UTY: variants seen among roughly 807,000 people sequenced by gnomAD.
UTY encodes the protein ubiquitously transcribed tetratricopeptide repeat containing, Y-linked, also known as histone demethylase UTY.
In UTY, 12 loss-of-function variants were observed where a neutral mutation model predicts 32.5. The ratio of observed to expected loss-of-function variants is 0.37; its 90% CI spans 0.24 to 0.60. The LOEUF (loss-of-function observed/expected upper bound fraction) is 0.60. Ranked by LOEUF, UTY falls within the 20% of genes least tolerant of loss-of-function variation. The probability of loss-of-function intolerance (pLI) is 0.69; values close to 1 mark genes in which losing one functional copy is unlikely to be tolerated. For synonymous variants in UTY, 131 were observed against 103.4 expected, an observed-to-expected ratio of 1.27 and a Z score of -1.62; for missense variants, 303 against 299.2, an observed-to-expected ratio of 1.01 and a Z score of -0.09.
intron 10 of UTY, among the ~76,000 whole-genome samples, chrY:13,363,576 A>G (rs2063755210): frequency 9.0e-5 from 3 of 33,188 alleles, no homozygotes; most frequent in Non-Finnish European, 1.5e-4. Context: ...TTCCAGTACT[A>G]TAACAAAACA....
At chrY:13,357,667 G>A (rs2063087640) in intron 15 of UTY, among the ~76,000 whole-genome samples, 1 of 33,544 alleles carries the variant, frequency 3.0e-5, no homozygotes, top group Admixed American at 2.7e-4. Context: ...GCTAGAGGTA[G>A]AAACTGGAAG....
At chrY:13,478,489 C>T in intron 2 of UTY, among the ~76,000 whole-genome samples, 1 of 33,176 alleles carries the variant, frequency 3.0e-5, no homozygotes, top group African/African-American at 1.2e-4. Context: ...CTATTCCTTG[C>T]TAAGGTTTCC....
chrY:13,309,901 G>C, intron 21 of UTY, among the ~76,000 whole-genome samples: 1 of 32,535 alleles, frequency 3.1e-5, no homozygotes, highest in Non-Finnish European at 7.5e-5. Context: ...TAATACTAAT[G>C]CTTCTCAAAA....
chrY:13,377,411 C>T, intron 8 of UTY, among the ~76,000 whole-genome samples: 2 of 33,667 alleles, frequency 5.9e-5, no homozygotes, highest in Non-Finnish European at 1.5e-4. Context: ...CAGACATAAA[C>T]CTATTCAAAA....
chrY:13,398,058 A>G, intron 6 of UTY, among the ~76,000 whole-genome samples: 1 of 33,746 alleles, frequency 3.0e-5, no homozygotes, highest in South Asian at 6.4e-4. Flanking sequence ...CTAATATTTA[A>G]TGTTTAAAAT....
chrY:13,465,828 T>C (rs776701205), intron 3 of UTY, among the ~76,000 whole-genome samples: 1 of 33,190 alleles, frequency 3.0e-5, no homozygotes, highest in African/African-American at 1.2e-4. Context: ...AGCTAAACAG[T>C]TGAAAGAACA....
At chrY:13,446,420 A>AAATGTTAAAAGTTCC in intron 4 of UTY, among the ~76,000 whole-genome samples, 1 of 32,950 alleles carries the variant, frequency 3.0e-5, no homozygotes, top group Admixed American at 2.8e-4. Context: ...CATTTGATAC[A>AAATGTTAAAAGTTCC]AATGTTAAAA....
At chrY:13,469,896 G>T (rs2078313430) in intron 3 of UTY, among the ~76,000 whole-genome samples, 1 of 33,446 alleles carries the variant, frequency 3.0e-5, no homozygotes, top group African/African-American at 1.2e-4. Context: ...ACAAGTGTAG[G>T]ATATTATACG....
In UTY at chrY:13,479,985, C is replaced by T. The variant is rs2079563730; in HGVS notation, c.-320G>A. The T allele has an allele frequency of 1.1e-5, 1 of 94,427 alleles. No homozygotes were observed. Among genetic ancestry groups the T allele is most frequent in the Non-Finnish European group, 2.2e-5 (1 of 46,169 alleles). The allele number at this position is 94,427 out of a possible 400,897, so 23.6% of individuals were successfully genotyped here. A position where few individuals can be genotyped will look rare whatever the true frequency, so the allele number is the denominator to read the frequency against. ...TCACGGGCGAACCCCACGCAGCCGC[C>T]GCGACCTCCCCGCTCCCAACCACTT... On this transcript the variant is annotated 5_prime_UTR_variant, in exon 1 of 30. Transcript: ENST00000545955.
Position 13,476,995 on chromosome Y carries a change from T to A in UTY, c.216+2259A>T, listed in dbSNP as rs922557743. Among the ~76,000 whole-genome samples, 5 of 33,376 alleles carry A rather than the reference T, an allele frequency of 1.5e-4. No homozygotes were observed. In the East Asian group the frequency reaches 3.8e-3, roughly 25 times the overall value. 89.5% of individuals were successfully genotyped at this position (33,376 alleles called of 37,273 possible). On this transcript the variant is annotated intron_variant, in intron 2 of 29. Transcript: ENST00000545955. ...GTAAAATCTATAAATAAAACTTTCA[T>A]AGAAAACATAAATACGAATAAAAAC...
chrY:13,302,299 G>GT (rs2058414469), intron 25 of UTY, among the ~76,000 whole-genome samples: 1 of 33,445 alleles, frequency 3.0e-5, no homozygotes, highest in Non-Finnish European at 7.4e-5. Flanking sequence ...AAAAACAATC[G>GT]TAAGTAAAAT....
chrY:13,340,975 C>T (rs755990628), intron 17 of UTY, among the ~76,000 whole-genome samples: 5 of 32,853 alleles, frequency 1.5e-4, no homozygotes, highest in African/African-American at 4.8e-4. Flanking sequence ...AAGTTTGCAA[C>T]GGTATTGAAA....
chrY:13,282,361 A>C, intron 27 of UTY, among the ~76,000 whole-genome samples: 1 of 33,576 alleles, frequency 3.0e-5, no homozygotes, highest in African/African-American at 1.2e-4. Flanking sequence ...TAAAAAACAA[A>C]AAAAAACAAG....
At chrY:13,264,020 C>T (rs2055529551) in intron 27 of UTY, among the ~76,000 whole-genome samples, 1 of 33,959 alleles carries the variant, frequency 2.9e-5, no homozygotes, top group Admixed American at 2.7e-4. Flanking sequence ...AGTGAGAACA[C>T]GCAGTGTTTG....
chrY:13,421,724 C>G (rs1466978027), intron 4 of UTY, among the ~76,000 whole-genome samples: 1 of 33,253 alleles, frequency 3.0e-5, no homozygotes, highest in East Asian at 7.9e-4. Flanking sequence ...AAAACAGGAA[C>G]AGAAAATCAA....
chrY:13,379,898 GT>G lies in UTY; in HGVS notation c.646-10550del, dbSNP rs2065835082. Among the ~76,000 whole-genome samples, 3 of 14,670 alleles carry G rather than the reference GT, an allele frequency of 2.0e-4. No individual in the cohort carries two copies. In the African/African-American group the frequency reaches 2.1e-3, roughly 10 times the overall value. The allele number at this position is 14,670 out of a possible 37,273, so 39.4% of individuals were successfully genotyped here. The stretch of plus-strand genomic sequence containing the variant: ...CCACAACTTACCACAACATTAAGGG[GT>G]GTGTGTGTGTGTGTGTGTGTGTGTG... On this transcript the variant is annotated intron_variant, in intron 8 of 29. Coordinates refer to ENST00000545955, the MANE Select transcript of UTY (RefSeq NM_001258249.2).
chrY:13,405,394 A>C (rs1035774110), intron 6 of UTY, among the ~76,000 whole-genome samples: 31 of 32,836 alleles, frequency 9.4e-4, no homozygotes, highest in Admixed American at 4.5e-3. Context: ...AGAGTAGAAC[A>C]GTGGTCATCA....
chrY:13,406,103 A>G (rs2069953148), intron 6 of UTY, among the ~76,000 whole-genome samples: 2 of 32,791 alleles, frequency 6.1e-5, no homozygotes, highest in East Asian at 1.6e-3. Context: ...TATCCATTCG[A>G]TATTTGTTAA....
intron 7 of UTY, among the ~76,000 whole-genome samples, 158 bp from the exon 8 acceptor site, chrY:13,394,051 A>ATC (rs2067867945): frequency 1.4e-3 from 49 of 33,881 alleles, no homozygotes; most frequent in Non-Finnish European, 2.4e-3. Context: ...ACAGAATGCA[A>ATC]AATTAACAAA....
Sources: gnomAD v4.1 joint callset for allele counts (sites outside exome capture counted in the v4.1 genomes callset) on GRCh38, gnomAD v4.1.1 for gene constraint, MANE v1.5 for transcripts, NCBI Gene and HGNC (gene_info 2026-07-23, HGNC 2026-07-21) for gene names.